CDH12: variants seen among roughly 807,000 people sequenced by gnomAD.
The protein encoded by CDH12 is cadherin 12.
In CDH12, 41 loss-of-function variants were observed where a neutral mutation model predicts 74.1. The ratio of observed to expected loss-of-function variants is 0.55; its 90% CI spans 0.43 to 0.72. The LOEUF is 0.72. CDH12 is among the 30% of genes least tolerant of loss of function. CDH12 has a pLI of 0.00. For synonymous variants in CDH12, 399 were observed against 355.0 expected, an observed-to-expected ratio of 1.12 and a Z score of -1.39; for missense variants, 945 against 977.2, an observed-to-expected ratio of 0.97 and a Z score of 0.44.
intron 4 of CDH12, among the ~76,000 whole-genome samples, chr5:22,179,460 T>G (rs546253648): frequency 1.3e-5 from 2 of 152,290 alleles, no homozygotes; most frequent in Admixed American, 1.3e-4. Flanking sequence ...GATATTTTGC[T>G]CATTATCGTA....
chr5:22,174,091 T>C (rs1749199759), intron 4 of CDH12, among the ~76,000 whole-genome samples: 1 of 152,032 alleles, frequency 6.6e-6, no homozygotes, highest in South Asian at 2.1e-4. Context: ...ACATTTGAAG[T>C]AAGTAGATCA....
chr5:22,732,078 A>G (rs1274372531), intron 1 of CDH12, among the ~76,000 whole-genome samples: 2 of 151,732 alleles, frequency 1.3e-5, no homozygotes, highest in African/African-American at 2.4e-5. Flanking sequence ...AGCACCACAG[A>G]CTTGGTGTTT....
intron 3 of CDH12, among the ~76,000 whole-genome samples, chr5:22,272,057 A>G (rs1736424634): frequency 6.6e-6 from 1 of 152,200 alleles, no homozygotes; most frequent in African/African-American, 2.4e-5. Context: ...TGTAGTTAAA[A>G]AAGTTGTAGA....
intron 9 of CDH12, among the ~76,000 whole-genome samples, chr5:21,805,712 G>T (rs1391967935): frequency 6.6e-6 from 1 of 152,004 alleles, no homozygotes; most frequent in African/African-American, 2.4e-5. Flanking sequence ...CTCCATTTTT[G>T]GGGGGAATGA....
intron 1 of CDH12, among the ~76,000 whole-genome samples, chr5:22,811,424 G>A (rs1034030544): frequency 6.6e-6 from 1 of 152,110 alleles, no homozygotes; most frequent in South Asian, 2.1e-4. Context: ...AGTGGCGGAA[G>A]TTGCTTTGTG....
At chr5:22,682,096 C>T (rs1741525453) in intron 1 of CDH12, among the ~76,000 whole-genome samples, 1 of 152,102 alleles carries the variant, frequency 6.6e-6, no homozygotes, top group Admixed American at 6.6e-5. Context: ...CAATAGTTCA[C>T]TGAACCTGAA....
intron 6 of CDH12, among the ~76,000 whole-genome samples, chr5:21,950,249 T>C (rs1440830474): frequency 6.6e-6 from 1 of 152,158 alleles, no homozygotes; most frequent in Admixed American, 6.5e-5. Flanking sequence ...TATTTACACA[T>C]AGAATACACT....
chr5:22,111,066 G>A (rs1264767667), intron 4 of CDH12, among the ~76,000 whole-genome samples: 2 of 152,122 alleles, frequency 1.3e-5, no homozygotes, highest in Admixed American at 1.3e-4. Context: ...TCTACAAAGA[G>A]AGTTGAAATA....
intron 6 of CDH12, among the ~76,000 whole-genome samples, chr5:21,857,782 A>G (rs1750828455): frequency 6.6e-6 from 1 of 151,902 alleles, no homozygotes; most frequent in South Asian, 2.1e-4. Flanking sequence ...TCAGGCTGCA[A>G]TAACAAAATA....
chr5:21,982,031 C>A (rs1384567214), intron 5 of CDH12, among the ~76,000 whole-genome samples: 3 of 152,140 alleles, frequency 2.0e-5, no homozygotes, highest in African/African-American at 7.2e-5. Flanking sequence ...TTGACTGAGC[C>A]ATAAATTGCC....
At chr5:22,121,816 G>A (rs1580283723) in intron 4 of CDH12, among the ~76,000 whole-genome samples, 1 of 151,936 alleles carries the variant, frequency 6.6e-6, no homozygotes, top group Non-Finnish European at 1.5e-5. Context: ...ACATTACCAA[G>A]CCCTCTGGAA....
chr5:22,042,680 G>A (rs923530619), intron 5 of CDH12, among the ~76,000 whole-genome samples: 5 of 152,028 alleles, frequency 3.3e-5, no homozygotes, highest in African/African-American at 1.2e-4. Flanking sequence ...GAGCCCAAGA[G>A]TTTGACACCA....
intron 2 of CDH12, among the ~76,000 whole-genome samples, chr5:22,419,212 C>T (rs1743527144): frequency 1.3e-5 from 2 of 152,080 alleles, no homozygotes; most frequent in African/African-American, 4.8e-5. Context: ...CCGGTAAACA[C>T]GGGTGTGCTT....
Position 21,830,199 on chromosome 5 carries a change from CAAAAAAAAAA to C in CDH12, c.814+11952_814+11961del, listed in dbSNP as rs1055199877. On this transcript the variant is annotated intron_variant, in intron 8 of 14. Coordinates refer to ENST00000382254, the MANE Select transcript of CDH12 (RefSeq NM_004061.5). ...GGGTGACAACAGTGAAACTCCTTCTCAAAAAAAAAAAAAAAAAAAAAAAAAAAAAAAGAAA... is the reference window on the plus strand; with the variant it reads ...GGGTGACAACAGTGAAACTCCTTCTCAAAAAAAAAAAAAAAAAAAAAGAAA... Among the ~76,000 whole-genome samples the C allele has an allele frequency of 6.3e-4, 16 of 25,248 alleles. No individual in the cohort carries two copies. In the East Asian group the frequency reaches 0.01, roughly 16 times the overall value. The allele number at this position is 25,248 out of a possible 152,430, so 16.6% of individuals were successfully genotyped here.
At chr5:22,186,967 A>C (rs969009796) in intron 4 of CDH12, among the ~76,000 whole-genome samples, 2 of 152,218 alleles carry the variant, frequency 1.3e-5, no homozygotes, top group Non-Finnish European at 2.9e-5. Flanking sequence ...CTTAAAGTAC[A>C]GTTTTAGGGA....
chr5:22,039,901 G>A (rs1739449542), intron 5 of CDH12, among the ~76,000 whole-genome samples: 1 of 151,788 alleles, frequency 6.6e-6, no homozygotes. Context: ...TATCAAGGTG[G>A]TGACATGAAA....
At chr5:22,836,500 A>G (rs1736835928) in intron 1 of CDH12, among the ~76,000 whole-genome samples, 1 of 151,824 alleles carries the variant, frequency 6.6e-6, no homozygotes, top group Admixed American at 6.6e-5. Context: ...AAGTGCTGGG[A>G]TTACAGGCAT....
At chr5:22,679,310 C>T (rs1196595331) in intron 1 of CDH12, among the ~76,000 whole-genome samples, 1 of 152,114 alleles carries the variant, frequency 6.6e-6, no homozygotes, top group Non-Finnish European at 1.5e-5. Context: ...AAATCTCACA[C>T]TTTCAAAAGA....
intron 2 of CDH12, among the ~76,000 whole-genome samples, chr5:22,468,476 A>G (rs1483610164): frequency 6.6e-6 from 1 of 152,210 alleles, no homozygotes; most frequent in Non-Finnish European, 1.5e-5. Flanking sequence ...TAAATACAAT[A>G]TTCAGTTTTT....
Sources: gnomAD v4.1 joint callset for allele counts (sites outside exome capture counted in the v4.1 genomes callset) on GRCh38, gnomAD v4.1.1 for gene constraint, MANE v1.5 for transcripts, NCBI Gene and HGNC (gene_info 2026-07-23, HGNC 2026-07-21) for gene names.